The following NPSR1 variants were observed in gnomAD, a reference collection of about 807,000 sequenced individuals.
NPSR1 encodes neuropeptide S receptor 1.
Under a neutral mutation model 46.9 loss-of-function variants are expected in NPSR1, and 48 were observed. That is an observed-to-expected ratio of 1.02 (90% CI 0.81 to 1.30). The LOEUF is 1.30. NPSR1 is among the 50% of genes most tolerant of loss of function. The probability of loss-of-function intolerance (pLI) is 0.00; values close to 1 mark genes in which losing one functional copy is unlikely to be tolerated. For missense variants in NPSR1, 450 were observed against 449.5 expected (o/e 1.00, Z -0.01); for synonymous variants, 176 against 168.1 (o/e 1.05, Z -0.36).
At chr7:34,732,898 G>A (rs931764634) in intron 2 of NPSR1, among the ~76,000 whole-genome samples, 8 of 152,272 alleles carry the variant, frequency 5.3e-5, no homozygotes, top group African/African-American at 1.9e-4. Context: ...AGTGAAATTG[G>A]TAGTTCTTGG....
chr7:34,827,435 G>T lies in NPSR1; in HGVS notation c.513G>T (p.Trp171Cys). 1 of 1,614,080 alleles carries T rather than the reference G, an allele frequency of 6.2e-7. No homozygotes were observed. Among genetic ancestry groups the T allele is most frequent in the Non-Finnish European group, 8.5e-7 (1 of 1,180,014 alleles). The change falls in exon 5 of 9, where the codon TGG becomes TGT. Residue 171 changes from tryptophan (W) to cysteine (C), a missense_variant. Trp to Cys is a radical substitution (Grantham distance 215). Coordinates refer to ENST00000360581, the MANE Select transcript of NPSR1 (RefSeq NM_207172.2). ...KQARVLIVIA[W>C]SLSFLFSIPT... ...CCAGGGTCCTCATTGTGATCGCCTG[G>T]AGCCTGTCTTTTCTGTTCTCCATTC... is the stretch of plus-strand genomic sequence containing the variant.
At chr7:34,834,166 C>A in intron 5 of NPSR1, 1 of 573,970 alleles carries the variant, frequency 1.7e-6, no homozygotes, top group Non-Finnish European at 3.1e-6. Context: ...TTTACCAGGT[C>A]TTAGCCTCCT....
chr7:34,829,420 GT>G (rs1790015779), intron 5 of NPSR1, among the ~76,000 whole-genome samples: 1 of 152,212 alleles, frequency 6.6e-6, no homozygotes, highest in South Asian at 2.1e-4. Context: ...ACTATCCAAG[GT>G]AAGTCACAGC....
At chr7:34,733,418 TAAAAA>T (rs34203443) in intron 2 of NPSR1, among the ~76,000 whole-genome samples, 4 of 131,778 alleles carry the variant, frequency 3.0e-5, no homozygotes, top group African/African-American at 1.1e-4. Flanking sequence ...GATTTTGTCT[TAAAAA>T]AAAAAAAAAA....
intron 2 of NPSR1, chr7:34,758,278 C>T (rs1452168808): frequency 6.6e-6 from 1 of 152,110 alleles, no homozygotes; most frequent in African/African-American, 2.4e-5. Flanking sequence ...CTAGACCTCC[C>T]CAGAGAGTGT....
intron 1 of NPSR1, among the ~76,000 whole-genome samples, chr7:34,675,070 T>G (rs1470644193): frequency 6.6e-6 from 1 of 152,232 alleles, no homozygotes; most frequent in Non-Finnish European, 1.5e-5. Flanking sequence ...CATCACCTAA[T>G]GAGCCAGTAA....
At chr7:34,779,677 T>C (rs1787145041) in intron 3 of NPSR1, 1 of 765,022 alleles carries the variant, frequency 1.3e-6, no homozygotes, top group African/African-American at 1.8e-5. Flanking sequence ...GCTAGTATTT[T>C]CTCAGGGGAA....
At chr7:34,678,009 T>C (rs1792406288) in intron 1 of NPSR1, among the ~76,000 whole-genome samples, 1 of 152,146 alleles carries the variant, frequency 6.6e-6, no homozygotes, top group Non-Finnish European at 1.5e-5. Flanking sequence ...CTCCCAGACA[T>C]TGTTCTCACC....
At chr7:34,876,565 T>C (rs1791579688) in intron 8 of NPSR1, among the ~76,000 whole-genome samples, 1 of 152,236 alleles carries the variant, frequency 6.6e-6, no homozygotes, top group Admixed American at 6.5e-5. Flanking sequence ...ATGATTCATC[T>C]CAACATATTA....
chr7:34,686,071 A>C (rs757880500), intron 2 of NPSR1: 1 of 152,678 alleles, frequency 6.5e-6, no homozygotes, highest in Non-Finnish European at 1.5e-5. Flanking sequence ...ATTCTTTCAG[A>C]ATGAAAGGAT....
intron 2 of NPSR1, among the ~76,000 whole-genome samples, chr7:34,697,955 TTTTAA>T (rs1411214216): frequency 2.0e-5 from 3 of 152,134 alleles, no homozygotes; most frequent in South Asian, 2.1e-4. Flanking sequence ...AAATTACCTA[TTTTAA>T]TTTGTTTATA....
chr7:34,661,423 C>G (rs143999082), intron 1 of NPSR1, among the ~76,000 whole-genome samples: 13 of 152,318 alleles, frequency 8.5e-5, no homozygotes, highest in Non-Finnish European at 1.8e-4. Context: ...TCTCAGCTGT[C>G]TTGCTCCGTC....
At chr7:34,673,183 T>C (rs1792143261) in intron 1 of NPSR1, among the ~76,000 whole-genome samples, 1 of 152,196 alleles carries the variant, frequency 6.6e-6, no homozygotes, top group African/African-American at 2.4e-5. Flanking sequence ...TTTGGGTTTC[T>C]ACAACATCTT....
At chr7:34,825,251 C>T (rs1362731033) in intron 4 of NPSR1, among the ~76,000 whole-genome samples, 2 of 152,242 alleles carry the variant, frequency 1.3e-5, no homozygotes, top group African/African-American at 4.8e-5. Context: ...TCTACAACAC[C>T]TCCCCATATG....
chr7:34,696,269 T>C (rs1313517063), intron 2 of NPSR1, among the ~76,000 whole-genome samples: 2 of 151,806 alleles, frequency 1.3e-5, no homozygotes, highest in Admixed American at 6.6e-5. Flanking sequence ...TATCCATCCA[T>C]AGATAAAAAG....
intron 2 of NPSR1, among the ~76,000 whole-genome samples, chr7:34,732,079 C>CA (rs535991989): frequency 0.035 from 3,286 of 93,522 alleles, 79 homozygotes; most frequent in Non-Finnish European, 0.051. Flanking sequence ...GACTTCATCT[C>CA]AAAAAAAAAA....
At chr7:34,740,742 C>T (rs1784901651) in intron 2 of NPSR1, among the ~76,000 whole-genome samples, 2 of 152,172 alleles carry the variant, frequency 1.3e-5, no homozygotes, top group Non-Finnish European at 2.9e-5. Flanking sequence ...TGGGCACTCA[C>T]AGGATTTGGG....
At chr7:34,703,486 A>G (rs920002623) in intron 2 of NPSR1, among the ~76,000 whole-genome samples, 1 of 152,146 alleles carries the variant, frequency 6.6e-6, no homozygotes, top group African/African-American at 2.4e-5. Context: ...TACAATGCCC[A>G]GAGCAGTATT....
chr7:34,683,505 T>A (rs1201021437), intron 1 of NPSR1, among the ~76,000 whole-genome samples: 1 of 152,190 alleles, frequency 6.6e-6, no homozygotes, highest in East Asian at 1.9e-4. Flanking sequence ...CTCGCTTTTT[T>A]CTTTTTTACT....
Sources: gnomAD v4.1 joint callset for allele counts (sites outside exome capture counted in the v4.1 genomes callset) on GRCh38, gnomAD v4.1.1 for gene constraint, MANE v1.5 for transcripts, NCBI Gene and HGNC (gene_info 2026-07-23, HGNC 2026-07-21) for gene names.